PAFAH1B1: variants seen among roughly 807,000 people sequenced by gnomAD.
PAFAH1B1 encodes the protein platelet activating factor acetylhydrolase 1b regulatory subunit 1, also known as platelet-activating factor acetylhydrolase IB subunit beta.
PAFAH1B1 carries 2 observed loss-of-function variants against 57.5 expected under a neutral mutation model. That is an observed-to-expected ratio of 0.03 (90% confidence interval 0.01 to 0.11). The LOEUF is 0.11. Ranked by LOEUF, PAFAH1B1 falls within the 10% of genes least tolerant of loss-of-function variation. The pLI, the probability that PAFAH1B1 is intolerant of heterozygous loss-of-function variation, is 1.00. For synonymous variants in PAFAH1B1, 152 were observed against 169.6 expected, an observed-to-expected ratio of 0.90 and a Z score of 0.81; for missense variants, 257 against 512.0, an observed-to-expected ratio of 0.50 and a Z score of 4.81.
chr17:2,680,081 TG>T, intron 9 of PAFAH1B1, 82 bp from the exon 10 acceptor site: 1 of 1,187,362 alleles, frequency 8.4e-7, no homozygotes, highest in Non-Finnish European at 1.3e-6. Context: ...GTTTTTGGTA[TG>T]TATAGTTTTA....
intron 2 of PAFAH1B1, among the ~76,000 whole-genome samples, chr17:2,660,482 T>A (rs1453662471): frequency 6.6e-6 from 1 of 152,160 alleles, no homozygotes; most frequent in African/African-American, 2.4e-5. Flanking sequence ...CAACTCCCAG[T>A]TATGCGTGAG....
At chr17:2,605,752 T>C (rs952578452) in intron 1 of PAFAH1B1, among the ~76,000 whole-genome samples, 4 of 152,180 alleles carry the variant, frequency 2.6e-5, no homozygotes, top group Admixed American at 1.3e-4. Flanking sequence ...TATTTTTCTC[T>C]TCTTCTAGCG....
intron 1 of PAFAH1B1, among the ~76,000 whole-genome samples, chr17:2,610,907 G>A (rs939715343): frequency 2.0e-5 from 3 of 152,184 alleles, no homozygotes; most frequent in Admixed American, 6.6e-5. Context: ...TGTCTGATGA[G>A]TGGATGAGTT....
chr17:2,685,540 A>G lies in PAFAH1B1; in HGVS notation c.*3738A>G, dbSNP rs1437442755. On this transcript the variant is annotated 3_prime_UTR_variant, in exon 11 of 11. Coordinates refer to ENST00000397195, the MANE Select transcript of PAFAH1B1 (RefSeq NM_000430.4). Reference sequence around the variant, plus strand: ...TGTTGCTCTCAGACTGTGTAAAACAAAATTTATTCATGTTTTCTGCATATT... The same window carrying G: ...TGTTGCTCTCAGACTGTGTAAAACAGAATTTATTCATGTTTTCTGCATATT... 1 of 152,370 alleles carries G rather than the reference A, an allele frequency of 6.6e-6. No individual in the cohort carries two copies. The highest frequency in any genetic ancestry group is 2.4e-5 in the African/African-American group (1 of 41,386). The allele number at this position is 152,370 out of a possible 1,614,324, so 9.4% of individuals were successfully genotyped here.
At chr17:2,662,378 T>TTGTGTGTGTGTGTGTGTG (rs57918293) in intron 2 of PAFAH1B1, among the ~76,000 whole-genome samples, 4 of 123,782 alleles carry the variant, frequency 3.2e-5, no homozygotes, top group South Asian at 3.2e-4. Flanking sequence ...TTTAACCTCT[T>TTGTGTGTGTGTGTGTGTG]TGTGTGTGTG....
At position 2,685,513 on chromosome 17, in the gene PAFAH1B1, TTTG is replaced by T. The variant is rs1234854658; in HGVS notation, c.*3715_*3717del. 3 of 152,744 alleles carry T rather than the reference TTTG, an allele frequency of 2.0e-5. No homozygotes were observed. The East Asian group carries it at 5.8e-4, about 29-fold the overall frequency. 9.5% of individuals were successfully genotyped at this position (152,744 alleles called of 1,614,324 possible). ...ATTGCTCTCGTGTTTTACAGTAAGA[TTTG>T]TTGCTCTCAGACTGTGTAAAACAAA... is the stretch of plus-strand genomic sequence containing the variant. On this transcript the variant is annotated 3_prime_UTR_variant, in exon 11 of 11. Transcript: ENST00000397195.
intron 2 of PAFAH1B1, among the ~76,000 whole-genome samples, chr17:2,664,630 C>T (rs2069072055): frequency 6.7e-6 from 1 of 150,120 alleles, no homozygotes; most frequent in South Asian, 2.1e-4. Context: ...GTCTCCAACT[C>T]CTGACTTTGT....
In PAFAH1B1 at chr17:2,670,264, C is replaced by G; in HGVS notation, c.501C>G (p.Ser167=). The G allele has an allele frequency of 6.2e-7, 1 of 1,614,198 alleles. No homozygotes were observed. Residue 167 remains serine (S), a synonymous_variant, in exon 6 of 11, where the codon TCC becomes TCG. Transcript: ENST00000397195. ...SFDHSGKLLA[S]CSADMTIKLW... ...ACCACAGCGGCAAGCTTCTGGCTTC[C>G]TGTTCTGCAGATATGACCATTAAAC...
In PAFAH1B1 at chr17:2,676,370, T is replaced by G. The variant is rs1051549445; in HGVS notation, c.901-135T>G. 5 of 661,046 alleles carry G rather than the reference T, an allele frequency of 7.6e-6. 1 individual carries two copies. The highest frequency in any genetic ancestry group is 4.9e-5 in the South Asian group (3 of 61,412). 40.9% of individuals were successfully genotyped at this position (661,046 alleles called of 1,614,324 possible). A position where few individuals can be genotyped will look rare whatever the true frequency, so the allele number is the denominator to read the frequency against. ...TCCAGCCTGGGTGACAGAGCCAGACTCCGTCTGAAAACAAACAAAAAACCA... is the reference window on the plus strand; with the variant it reads ...TCCAGCCTGGGTGACAGAGCCAGACGCCGTCTGAAAACAAACAAAAAACCA... On this transcript the variant is annotated intron_variant, in intron 8 of 10. Coordinates refer to ENST00000397195, the MANE Select transcript of PAFAH1B1 (RefSeq NM_000430.4).
At chr17:2,615,155 T>C (rs2068322336) in intron 1 of PAFAH1B1, among the ~76,000 whole-genome samples, 1 of 152,208 alleles carries the variant, frequency 6.6e-6, no homozygotes, top group Non-Finnish European at 1.5e-5. Context: ...CTTTTATTTT[T>C]TTAGGTATTC....
intron 1 of PAFAH1B1, among the ~76,000 whole-genome samples, chr17:2,623,883 G>A (rs1474021320): frequency 6.6e-6 from 1 of 150,668 alleles, no homozygotes; most frequent in Non-Finnish European, 1.5e-5. Flanking sequence ...CAGAGGATCC[G>A]CCCACCTTGG....
chr17:2,629,837 T>C (rs1379589732), intron 1 of PAFAH1B1, among the ~76,000 whole-genome samples: 3 of 152,214 alleles, frequency 2.0e-5, no homozygotes, highest in Non-Finnish European at 1.5e-5. Flanking sequence ...TTATATAACG[T>C]CCCTCTTTTT....
rs1567563478 is a variant in PAFAH1B1 at position 2,680,245 on chromosome 17, C to T, written c.1084C>T (p.Leu362=). Reference sequence around the variant, plus strand: ...TTTGAGTTGTGCTGATGACAAGACCCTACGCGTATGGGATTACAAGAACAA... The same window carrying T: ...TTTGAGTTGTGCTGATGACAAGACCTTACGCGTATGGGATTACAAGAACAA... ...FILSCADDKT[L]RVWDYKNKRC... is the part of the protein sequence containing the mutation. Residue 362 remains leucine (L), a synonymous_variant, in exon 10 of 11, where the codon CTA becomes TTA. Transcript: ENST00000397195. 1 of 1,613,468 alleles carries T rather than the reference C, an allele frequency of 6.2e-7. No homozygotes were observed. Among genetic ancestry groups the T allele is most frequent in the South Asian group, 1.1e-5 (1 of 91,072 alleles).
At chr17:2,673,876 C>T (rs2069221841) in intron 7 of PAFAH1B1, 184 bp from the exon 8 acceptor site, 3 of 585,806 alleles carry the variant, frequency 5.1e-6, no homozygotes, top group Admixed American at 5.9e-5. Flanking sequence ...TTATTAGCTC[C>T]TTAATGATAT....
At chr17:2,671,929 C>T (rs958597796) in intron 6 of PAFAH1B1, among the ~76,000 whole-genome samples, 1 of 152,000 alleles carries the variant, frequency 6.6e-6, no homozygotes, top group Admixed American at 6.6e-5. Context: ...GAACCAATTC[C>T]CCATTTTTTG....
intron 2 of PAFAH1B1, chr17:2,638,610 C>G (rs2068654288): frequency 3.0e-6 from 1 of 328,606 alleles, no homozygotes; most frequent in Non-Finnish European, 5.7e-6. Context: ...CAGGTTCAAG[C>G]TATTCTTCTG....
chr17:2,652,920 A>C (rs972983876), intron 2 of PAFAH1B1, among the ~76,000 whole-genome samples: 7 of 152,164 alleles, frequency 4.6e-5, no homozygotes. Context: ...ATTACTGGGT[A>C]TATATACCCA....
chr17:2,631,185 G>A (rs2068550742), intron 1 of PAFAH1B1, among the ~76,000 whole-genome samples: 1 of 151,972 alleles, frequency 6.6e-6, no homozygotes, highest in Non-Finnish European at 1.5e-5. Context: ...AGGCTGCAGT[G>A]AGCCAAGGTT....
At chr17:2,631,693 G>C (rs1041395594) in intron 1 of PAFAH1B1, among the ~76,000 whole-genome samples, 12 of 152,116 alleles carry the variant, frequency 7.9e-5, no homozygotes, top group Non-Finnish European at 1.5e-4. Flanking sequence ...ACAGTATTTG[G>C]GGTGTCTCCC....
Sources: gnomAD v4.1 joint callset for allele counts (sites outside exome capture counted in the v4.1 genomes callset) on GRCh38, gnomAD v4.1.1 for gene constraint, MANE v1.5 for transcripts, NCBI Gene and HGNC (gene_info 2026-07-23, HGNC 2026-07-21) for gene names.